ATG10: variants seen among roughly 807,000 people sequenced by gnomAD.
ATG10 encodes autophagy related 10.
In ATG10, 30 loss-of-function variants were observed where a neutral mutation model predicts 32.1. The observed-to-expected ratio is 0.94, with a 90% CI of 0.70 to 1.27. The LOEUF is 1.27. Ranked by LOEUF, ATG10 falls within the 50% of genes most tolerant of loss-of-function variation. The pLI, the probability that ATG10 is intolerant of heterozygous loss-of-function variation, is 0.00. For synonymous variants in ATG10, 87 were observed against 91.5 expected (o/e 0.95, Z 0.28); for missense variants, 233 against 262.3 (o/e 0.89, Z 0.77).
intron 5 of ATG10, among the ~76,000 whole-genome samples, chr5:82,213,481 G>C (rs1007591789): frequency 3.9e-5 from 6 of 152,212 alleles, no homozygotes; most frequent in Non-Finnish European, 7.3e-5. Flanking sequence ...GAATGCCAGT[G>C]TATTAATTTA....
Position 82,175,920 on chromosome 5 carries a change from A to G in ATG10, c.356-2570A>G, listed in dbSNP as rs115111092. Reference sequence around the variant, plus strand: ...ACACACACACACACCCCAAGGCATAATGTAACCTCCATGAAAACAAGGATG... The same window carrying G: ...ACACACACACACACCCCAAGGCATAGTGTAACCTCCATGAAAACAAGGATG... On this transcript the variant is annotated intron_variant, in intron 4 of 7. Coordinates refer to ENST00000282185, the MANE Select transcript of ATG10 (RefSeq NM_031482.5). 6.5e-3 allele frequency among the ~76,000 whole-genome samples: 993 copies of G among 151,868 alleles called. 10 individuals carry two copies. The highest frequency in any genetic ancestry group is 0.023 in the African/African-American group (938 of 41,410).
rs1311956228 is a variant in ATG10 at position 82,225,577 on chromosome 5, T to TGTC, written c.454-26985_454-26984insGTC. 2.0e-5 allele frequency among the ~76,000 whole-genome samples: 3 copies of TGTC among 152,332 alleles called. No individual in the cohort carries two copies. In the East Asian group the frequency reaches 5.8e-4, roughly 29 times the overall value. The stretch of plus-strand genomic sequence containing the variant: ...GAATGGTCTCAAAATCAAAATGGCC[T>TGTC]TGACCTCATTATGTGACAGAGAATG... On this transcript the variant is annotated intron_variant, in intron 5 of 7. Transcript: ENST00000282185.
At chr5:82,109,612 T>A (rs777945506) in intron 3 of ATG10, among the ~76,000 whole-genome samples, 2 of 151,786 alleles carry the variant, frequency 1.3e-5, no homozygotes, top group Non-Finnish European at 2.9e-5. Flanking sequence ...TTTTTTATAA[T>A]GATATATGTT....
chr5:82,223,928 G>A (rs988875048), intron 5 of ATG10, among the ~76,000 whole-genome samples: 2 of 152,136 alleles, frequency 1.3e-5, no homozygotes, highest in Non-Finnish European at 2.9e-5. Context: ...CAGAGGTGAG[G>A]AAACACTAGT....
At chr5:82,050,715 T>A (rs1403047935) in intron 2 of ATG10, among the ~76,000 whole-genome samples, 1 of 151,586 alleles carries the variant, frequency 6.6e-6, no homozygotes, top group Non-Finnish European at 1.5e-5. Flanking sequence ...ATCCTACAAA[T>A]TCTTGGCTGG....
chr5:82,183,187 A>G (rs1744301220), intron 5 of ATG10, among the ~76,000 whole-genome samples: 1 of 152,190 alleles, frequency 6.6e-6, no homozygotes, highest in Admixed American at 6.6e-5. Flanking sequence ...ATATCATTAA[A>G]TAAGCAATTA....
intron 3 of ATG10, among the ~76,000 whole-genome samples, chr5:82,090,674 G>C (rs1270257367): frequency 6.6e-6 from 1 of 152,156 alleles, no homozygotes; most frequent in African/African-American, 2.4e-5. Flanking sequence ...GAAATGCTCT[G>C]TATCTTCACT....
At chr5:82,146,962 GTTCT>G (rs1369143306) in intron 3 of ATG10, among the ~76,000 whole-genome samples, 1 of 152,074 alleles carries the variant, frequency 6.6e-6, no homozygotes, top group Non-Finnish European at 1.5e-5. Flanking sequence ...TCAATTCTCT[GTTCT>G]TTCTATGTTG....
At chr5:82,192,397 G>T (rs1405747971) in intron 5 of ATG10, among the ~76,000 whole-genome samples, 2 of 152,160 alleles carry the variant, frequency 1.3e-5, no homozygotes, top group African/African-American at 4.8e-5. Flanking sequence ...ATAGATTCTG[G>T]TTTTTGCAAC....
At chr5:82,182,057 G>A (rs949358242) in intron 5 of ATG10, among the ~76,000 whole-genome samples, 8 of 152,118 alleles carry the variant, frequency 5.3e-5, no homozygotes, top group African/African-American at 1.9e-4. Context: ...ATGATCACTG[G>A]AAGGTGTTGG....
intron 2 of ATG10, among the ~76,000 whole-genome samples, chr5:82,044,561 A>G (rs1326130707): frequency 6.6e-6 from 1 of 151,640 alleles, no homozygotes; most frequent in African/African-American, 2.4e-5. Context: ...TTTCATTTAG[A>G]TATTTTCAGA....
chr5:82,238,602 G>T (rs1746661162), intron 5 of ATG10, among the ~76,000 whole-genome samples: 1 of 152,174 alleles, frequency 6.6e-6, no homozygotes, highest in African/African-American at 2.4e-5. Context: ...TTTTGCGTCT[G>T]TATTTAGTGT....
At chr5:82,177,013 A>G (rs1744056969) in intron 4 of ATG10, among the ~76,000 whole-genome samples, 1 of 152,208 alleles carries the variant, frequency 6.6e-6, no homozygotes, top group Non-Finnish European at 1.5e-5. Flanking sequence ...GATGATATGC[A>G]CGGTATAGCA....
chr5:82,036,871 A>G (rs891837701), intron 2 of ATG10, among the ~76,000 whole-genome samples: 6 of 151,906 alleles, frequency 3.9e-5, no homozygotes, highest in Admixed American at 1.3e-4. Flanking sequence ...GGTGGCTCAC[A>G]TCTGTAATCC....
intron 3 of ATG10, among the ~76,000 whole-genome samples, chr5:82,113,279 G>A (rs1172280488): frequency 1.3e-5 from 2 of 151,948 alleles, no homozygotes; most frequent in Non-Finnish European, 2.9e-5. Context: ...TTGATCAGAA[G>A]CATATTTTGC....
At chr5:82,135,049 T>G (rs1468713502) in intron 3 of ATG10, among the ~76,000 whole-genome samples, 1 of 151,762 alleles carries the variant, frequency 6.6e-6, no homozygotes, top group Non-Finnish European at 1.5e-5. Flanking sequence ...TAGTTTGTAT[T>G]TCTGTGGGAT....
At chr5:82,042,332 A>G (rs762966912) in intron 2 of ATG10, among the ~76,000 whole-genome samples, 9 of 152,174 alleles carry the variant, frequency 5.9e-5, no homozygotes, top group Non-Finnish European at 1.0e-4. Context: ...CACTATCACA[A>G]GAAAAGCAAT....
At chr5:81,988,559 G>A (rs765288384) in intron 2 of ATG10, among the ~76,000 whole-genome samples, 8 of 151,482 alleles carry the variant, frequency 5.3e-5, no homozygotes, top group Non-Finnish European at 1.0e-4. Context: ...TCAGCCTCCC[G>A]AGTAGCTGGG....
At chr5:82,134,089 G>C (rs1459445461) in intron 3 of ATG10, among the ~76,000 whole-genome samples, 1 of 113,336 alleles carries the variant, frequency 8.8e-6, no homozygotes, top group Non-Finnish European at 1.8e-5. Flanking sequence ...AGGCTTTCCT[G>C]AAGTTGCTTA....
Sources: allele counts gnomAD v4.1 joint callset (sites outside exome capture counted in the v4.1 genomes callset), GRCh38; gene constraint gnomAD v4.1.1; transcripts MANE v1.5; gene names NCBI Gene and HGNC (gene_info 2026-07-23, HGNC 2026-07-21).